LGR6: variants seen among roughly 807,000 people sequenced by gnomAD.
LGR6 encodes leucine-rich repeat-containing G protein-coupled receptor 6.
A neutral mutation model predicts 69.4 loss-of-function variants in LGR6; 45 were observed. The observed-to-expected ratio is 0.65, with a 90% confidence interval of 0.51 to 0.83. LGR6 has a LOEUF of 0.83. LGR6 is among the 40% of genes least tolerant of loss of function. The pLI, the probability that LGR6 is intolerant of heterozygous loss-of-function variation, is 0.00. For synonymous variants in LGR6, 538 were observed against 555.0 expected, an observed-to-expected ratio of 0.97 and a Z score of 0.43; for missense variants, 1,108 against 1,246.7, an observed-to-expected ratio of 0.89 and a Z score of 1.68.
intron 4 of LGR6, among the ~76,000 whole-genome samples, chr1:202,241,146 G>A (rs984189256): frequency 7.9e-5 from 12 of 152,194 alleles, no homozygotes; most frequent in African/African-American, 2.4e-4. Flanking sequence ...GCTTCCCAAG[G>A]CGTACCAGCA....
intron 3 of LGR6, among the ~76,000 whole-genome samples, chr1:202,234,185 C>T (rs376082327): frequency 3.9e-5 from 6 of 152,360 alleles, no homozygotes; most frequent in African/African-American, 1.4e-4. Context: ...GGGCTCTGCC[C>T]CTTCCTGCAG....
At chr1:202,294,627 G>C (rs759285322) in intron 6 of LGR6, among the ~76,000 whole-genome samples, 1 of 152,158 alleles carries the variant, frequency 6.6e-6, no homozygotes, top group Admixed American at 6.5e-5. Context: ...CTTACATAGT[G>C]GTGGGAGCAT....
chr1:202,311,656 T>C (rs1037242216), intron 16 of LGR6, among the ~76,000 whole-genome samples: 18 of 152,214 alleles, frequency 1.2e-4, no homozygotes, highest in African/African-American at 4.3e-4. Flanking sequence ...AGTGAGATTC[T>C]GTCTCAAAAA....
chr1:202,227,842 C>T (rs1660680420), intron 2 of LGR6, 94 bp from the exon 3 acceptor site: 4 of 821,478 alleles, frequency 4.9e-6, no homozygotes, highest in Non-Finnish European at 8.6e-6. Flanking sequence ...TTACCACCGC[C>T]CTCCCTTCCC....
intron 3 of LGR6, among the ~76,000 whole-genome samples, chr1:202,233,350 GC>G (rs773883456): frequency 6.6e-6 from 1 of 152,148 alleles, no homozygotes; most frequent in Non-Finnish European, 1.5e-5. Context: ...AGCCTCCTGG[GC>G]CCCTGGAGGG....
intron 6 of LGR6, among the ~76,000 whole-genome samples, chr1:202,296,380 C>T (rs968711677): frequency 1.3e-5 from 2 of 152,146 alleles, no homozygotes; most frequent in Admixed American, 6.5e-5. Context: ...ATTTTGGAAG[C>T]TCTTCGATGA....
chr1:202,306,919 G>A lies in LGR6; in HGVS notation c.1188G>A (p.Gln396=), dbSNP rs1174063171. 1 of 1,614,100 alleles carries A rather than the reference G, an allele frequency of 6.2e-7. No homozygotes were observed. ...AAATTGGAGCTGACACCTTCAGCCA[G>A]CTGAGCTCCCTGCAAGCCCTGTGAG... The part of the protein sequence containing the change: ...IWEIGADTFS[Q]LSSLQALDLS... The change falls in exon 13 of 18, where the codon CAG becomes CAA. Residue 396 remains glutamine (Q), a synonymous_variant. Coordinates refer to ENST00000367278, the MANE Select transcript of LGR6 (RefSeq NM_001017403.2).
At chr1:202,205,496 CCCTG>C in intron 1 of LGR6, among the ~76,000 whole-genome samples, 1 of 33,200 alleles carries the variant, frequency 3.0e-5, no homozygotes, top group East Asian at 9.7e-4. Flanking sequence ...CACACACACA[CCCTG>C]CTTCAAACAC....
At chr1:202,312,317 T>C (rs2148305206) in intron 16 of LGR6, among the ~76,000 whole-genome samples, 1 of 152,366 alleles carries the variant, frequency 6.6e-6, no homozygotes. Flanking sequence ...CCCTTGTGTT[T>C]CATTCATGCA....
At chr1:202,273,494 G>C (rs1327555018) in intron 4 of LGR6, among the ~76,000 whole-genome samples, 1 of 147,278 alleles carries the variant, frequency 6.8e-6, no homozygotes, top group Non-Finnish European at 1.5e-5. Flanking sequence ...TTTCGCTCTT[G>C]TCGCCCAGGC....
At chr1:202,301,006 T>TA in intron 8 of LGR6, 86 bp downstream of exon 8, 1 of 1,359,824 alleles carries the variant, frequency 7.4e-7, no homozygotes, top group Non-Finnish European at 1.0e-6. Context: ...GGGACTTCCC[T>TA]AGGAAGCACC....
chr1:202,301,837 TA>T (rs1033472485), intron 9 of LGR6, among the ~76,000 whole-genome samples: 4 of 151,850 alleles, frequency 2.6e-5, no homozygotes, highest in African/African-American at 9.7e-5. Flanking sequence ...GCCAACATGG[TA>T]AAACCCCATC....
At chr1:202,203,909 G>T in intron 1 of LGR6, 1 of 1,520,758 alleles carries the variant, frequency 6.6e-7, no homozygotes, top group Non-Finnish European at 9.1e-7. Flanking sequence ...TCCTCCTTGG[G>T]GGGTGTTTAG....
intron 4 of LGR6, among the ~76,000 whole-genome samples, chr1:202,252,832 G>C (rs541936546): frequency 1.2e-4 from 19 of 152,360 alleles, no homozygotes; most frequent in Middle Eastern, 3.4e-3. Flanking sequence ...ATCTGACTGT[G>C]TCCAGACTGC....
intron 1 of LGR6, among the ~76,000 whole-genome samples, chr1:202,216,694 C>T (rs78748810): frequency 0.023 from 3,539 of 152,298 alleles, 142 homozygotes; most frequent in African/African-American, 0.081. Context: ...AGAGGCTCTG[C>T]TCTGTCATAC....
intron 3 of LGR6, among the ~76,000 whole-genome samples, chr1:202,233,171 A>G (rs1193093954): frequency 6.6e-6 from 1 of 152,204 alleles, no homozygotes; most frequent in East Asian, 1.9e-4. Flanking sequence ...AAGATGTTAC[A>G]GTGTCTGTAT....
chr1:202,202,487 C>T (rs897597068), intron 1 of LGR6, among the ~76,000 whole-genome samples: 21 of 152,360 alleles, frequency 1.4e-4, no homozygotes, highest in East Asian at 5.8e-4. Context: ...TGCATGTTTG[C>T]AGCCAAGCAG....
At chr1:202,234,236 C>A (rs1274164087) in intron 3 of LGR6, among the ~76,000 whole-genome samples, 1 of 152,236 alleles carries the variant, frequency 6.6e-6, no homozygotes, top group African/African-American at 2.4e-5. Flanking sequence ...CTTCCCCACC[C>A]CTTGGGGTGG....
At chr1:202,204,428 CAA>C (rs1558003560) in intron 1 of LGR6, among the ~76,000 whole-genome samples, 1 of 80,214 alleles carries the variant, frequency 1.2e-5, no homozygotes, top group African/African-American at 4.1e-5. Context: ...CACACACCTC[CAA>C]ACACACACAC....
Sources: gnomAD v4.1 joint callset for allele counts (sites outside exome capture counted in the v4.1 genomes callset) on GRCh38, gnomAD v4.1.1 for gene constraint, MANE v1.5 for transcripts, NCBI Gene and HGNC (gene_info 2026-07-23, HGNC 2026-07-21) for gene names.